The following FAM53A variants were observed in gnomAD, a reference collection of about 807,000 sequenced individuals.
FAM53A encodes the protein family with sequence similarity 53 member A, also known as protein FAM53A.
Under a neutral mutation model 26.6 loss-of-function variants are expected in FAM53A, and 28 were observed. The ratio of observed to expected loss-of-function variants is 1.05; its 90% confidence interval spans 0.78 to 1.45. FAM53A has a LOEUF of 1.45. Ranked by LOEUF, FAM53A falls within the 40% of genes most tolerant of loss-of-function variation. FAM53A has a pLI of 0.00. For synonymous variants in FAM53A, 290 were observed against 253.1 expected (o/e 1.15, Z -1.38); for missense variants, 650 against 575.8 (o/e 1.13, Z -1.32).
At chr4:1,607,743 C>A in the FAM53A span, among the ~76,000 whole-genome samples, 1 of 152,106 alleles carries the variant, frequency 6.6e-6, no homozygotes, top group African/African-American at 2.4e-5. Flanking sequence ...GAGTTGGAGA[C>A]CAGCCTGATC....
intron 4 of FAM53A, chr4:1,644,192 C>T (rs1712020882): frequency 1.5e-5 from 23 of 1,535,794 alleles, no homozygotes; most frequent in Non-Finnish European, 1.7e-5. Context: ...TACGCACCTT[C>T]AGGGGCCAGG....
the FAM53A span, among the ~76,000 whole-genome samples, chr4:1,586,667 C>T: frequency 6.6e-6 from 1 of 151,330 alleles, no homozygotes; most frequent in Non-Finnish European, 1.5e-5. Context: ...CCTGTAGTCC[C>T]AGCTACTCGG....
chr4:1,613,285 G>A (rs1257988267), downstream of FAM53A, among the ~76,000 whole-genome samples: 2 of 152,204 alleles, frequency 1.3e-5, no homozygotes, highest in African/African-American at 4.8e-5. Flanking sequence ...GGTGTCTGGC[G>A]AGGGCCCAGG....
chr4:1,606,435 C>A, the FAM53A span, among the ~76,000 whole-genome samples: 2 of 152,068 alleles, frequency 1.3e-5, no homozygotes, highest in African/African-American at 4.8e-5. Flanking sequence ...GGGCTCCTCG[C>A]GGGACTGCTA....
chr4:1,679,146 T>C (rs751395831), intron 1 of FAM53A, among the ~76,000 whole-genome samples: 2 of 152,012 alleles, frequency 1.3e-5, no homozygotes, highest in Non-Finnish European at 2.9e-5. Context: ...TTATCCAAAA[T>C]ATAAAAAGAT....
At chr4:1,606,977 G>A in the FAM53A span, among the ~76,000 whole-genome samples, 21 of 152,292 alleles carry the variant, frequency 1.4e-4, no homozygotes, top group Admixed American at 8.5e-4. Context: ...CGAGGGTTTC[G>A]GCGTCTCCAC....
In FAM53A at chr4:1,655,263, C is replaced by T. The variant is rs1421282137; in HGVS notation, c.597G>A (p.Glu199=). The T allele has an allele frequency of 4.8e-6, 7 of 1,445,102 alleles. No homozygotes were observed. The highest frequency in any genetic ancestry group is 6.3e-6 in the Non-Finnish European group (7 of 1,107,386). The allele number at this position is 1,445,102 out of a possible 1,614,324, so 89.5% of individuals were successfully genotyped here. ...AGAGCGGGCCTGAGCCCGCACTGCCCTCGCTGCTGTCCACGAAGCCGCCGC... is the reference window on the plus strand; with the variant it reads ...AGAGCGGGCCTGAGCCCGCACTGCCTTCGCTGCTGTCCACGAAGCCGCCGC... ...SASGGFVDSS[E]GSAGSGPLWC... The change falls in exon 4 of 5, where the codon GAG becomes GAA. Residue 199 remains glutamate, a synonymous_variant. Coordinates refer to ENST00000308132, the MANE Select transcript of FAM53A (RefSeq NM_001174070.3).
intron 1 of FAM53A, among the ~76,000 whole-genome samples, chr4:1,680,351 C>G (rs1304013896): frequency 1.4e-5 from 2 of 142,222 alleles, no homozygotes; most frequent in Non-Finnish European, 3.0e-5. Flanking sequence ...AAAAACACAC[C>G]ACTACACACA....
chr4:1,609,539 T>C, the FAM53A span, among the ~76,000 whole-genome samples: 13 of 152,140 alleles, frequency 8.5e-5, no homozygotes, highest in African/African-American at 1.2e-4. Context: ...CGAGATCTGA[T>C]GGTTTAATAA....
chr4:1,669,931 A>G (rs1714509325), intron 1 of FAM53A, among the ~76,000 whole-genome samples: 1 of 152,218 alleles, frequency 6.6e-6, no homozygotes, highest in Non-Finnish European at 1.5e-5. Context: ...GTTTCCGGCC[A>G]GTCTTCTGGG....
chr4:1,586,748 A>C, the FAM53A span, among the ~76,000 whole-genome samples: 16 of 143,370 alleles, frequency 1.1e-4, no homozygotes, highest in African/African-American at 4.1e-4. Context: ...GCGCCACTGC[A>C]CTCCAGCCTG....
chr4:1,683,884 C>A (rs1715628666), intron 1 of FAM53A: 1 of 152,376 alleles, frequency 6.6e-6, no homozygotes, highest in East Asian at 1.9e-4. Flanking sequence ...CCGCAAGTCC[C>A]CTCCTCGGGT....
At chr4:1,605,217 C>A in the FAM53A span, among the ~76,000 whole-genome samples, 1 of 152,202 alleles carries the variant, frequency 6.6e-6, no homozygotes, top group African/African-American at 2.4e-5. This position sits in a 1 kb window ranked among gnomAD's most constrained non-coding sequence, Gnocchi z 5.7. Flanking sequence ...GTTGTTTCCG[C>A]TCCACAACGT....
intron 1 of FAM53A, among the ~76,000 whole-genome samples, chr4:1,626,819 T>A (rs1391175488): frequency 6.6e-6 from 1 of 152,098 alleles, no homozygotes; most frequent in Non-Finnish European, 1.5e-5. Context: ...GCCCTGAGTC[T>A]CCATCACAAA....
At chr4:1,652,120 CCA>C (rs1436241676) in intron 4 of FAM53A, among the ~76,000 whole-genome samples, 10 of 138,756 alleles carry the variant, frequency 7.2e-5, no homozygotes, top group Admixed American at 4.3e-4. Flanking sequence ...CACACACACG[CCA>C]CACACACCTC....
At chr4:1,598,125 G>GTA in the FAM53A span, among the ~76,000 whole-genome samples, 1 of 152,198 alleles carries the variant, frequency 6.6e-6, no homozygotes, top group East Asian at 1.9e-4. Flanking sequence ...TGCTGCCTAC[G>GTA]TACCCCCTTT....
intron 1 of FAM53A, among the ~76,000 whole-genome samples, chr4:1,631,215 G>C (rs1455602838): frequency 2.6e-5 from 4 of 152,220 alleles, no homozygotes; most frequent in Non-Finnish European, 5.9e-5. Flanking sequence ...GGCAGGCGGA[G>C]ACCCTGCTTG....
At chr4:1,643,498 G>A (rs1357439578) in intron 4 of FAM53A, among the ~76,000 whole-genome samples, 1 of 151,530 alleles carries the variant, frequency 6.6e-6, no homozygotes, top group African/African-American at 2.4e-5. Flanking sequence ...AAGACGAATT[G>A]ACATATTTTC....
At chr4:1,643,267 C>T (rs1052002969) in intron 4 of FAM53A, among the ~76,000 whole-genome samples, 11 of 152,058 alleles carry the variant, frequency 7.2e-5, no homozygotes, top group African/African-American at 2.2e-4. Context: ...GAGATCAAGA[C>T]CATCCTGGCT....
Sources: allele counts gnomAD v4.1 joint callset (sites outside exome capture counted in the v4.1 genomes callset), GRCh38; gene constraint gnomAD v4.1.1; non-coding constraint Gnocchi (gnomAD v3.1); transcripts MANE v1.5; gene names NCBI Gene and HGNC (gene_info 2026-07-23, HGNC 2026-07-21).